Variants in RNF214 observed in about 807,000 individuals in gnomAD.
RNF214 encodes the protein ring finger protein 214.
RNF214 carries 25 observed loss-of-function variants against 75.9 expected under a neutral mutation model. That is an observed-to-expected ratio of 0.33 (90% CI 0.24 to 0.46). The LOEUF (loss-of-function observed/expected upper bound fraction) is 0.46. Among genes scored for constraint, RNF214 ranks in the 20% least tolerant of loss-of-function variants. The pLI is 1.00. For synonymous variants in RNF214, 314 were observed against 308.8 expected, an observed-to-expected ratio of 1.02 and a Z score of -0.18; for missense variants, 725 against 857.5, an observed-to-expected ratio of 0.85 and a Z score of 1.93.
rs186410136 is a variant in RNF214, at chr11:117,234,906, T to G, written c.107+527T>G. On this transcript the variant is annotated intron_variant, in intron 2 of 14. Coordinates refer to ENST00000300650, the MANE Select transcript of RNF214 (RefSeq NM_207343.4). The stretch of plus-strand genomic sequence containing the variant: ...AAAATCTATAAATGCTCAAGTCCCT[T>G]ACATAAAATGGTGTAGTATTTTATC... 2.0e-5 allele frequency among the ~76,000 whole-genome samples: 3 copies of G among 152,336 alleles called. 1 individual carries two copies. In the East Asian group the frequency reaches 5.8e-4, roughly 29 times the overall value.
chr11:117,283,825 T>G (rs951687242), intron 14 of RNF214, among the ~76,000 whole-genome samples: 1 of 151,840 alleles, frequency 6.6e-6, no homozygotes, highest in African/African-American at 2.4e-5. Flanking sequence ...GCTAATTTTT[T>G]TTTTCTTTTT....
At position 117,276,777 on chromosome 11, in the gene RNF214, A is replaced by G. The variant is rs145043432; in HGVS notation, c.960-3131A>G. Among the ~76,000 whole-genome samples, 542 of 152,330 alleles carry G rather than the reference A, an allele frequency of 3.6e-3. 3 individuals are homozygous for G. The highest frequency in any genetic ancestry group is 0.017 in the Middle Eastern group (5 of 294). On this transcript the variant is annotated intron_variant, in intron 6 of 14. Coordinates refer to ENST00000300650, the MANE Select transcript of RNF214 (RefSeq NM_207343.4). ...GAGGATTTTTCTAATATAAGTTTAT[A>G]TTTGTAGTTGACAATGTGTTTAATG...
intron 6 of RNF214, among the ~76,000 whole-genome samples, chr11:117,278,187 C>T (rs940250961): frequency 6.6e-6 from 1 of 151,788 alleles, no homozygotes; most frequent in Admixed American, 6.6e-5. Flanking sequence ...GCCTGTAGTA[C>T]CACCTACTCG....
At position 117,244,453 on chromosome 11, in the gene RNF214, G is replaced by T; in HGVS notation, c.687G>T (p.Met229Ile). 1 of 1,608,108 alleles carries T rather than the reference G, an allele frequency of 6.2e-7. No homozygotes were observed. The highest frequency in any genetic ancestry group is 8.5e-7 in the Non-Finnish European group (1 of 1,177,546). Residue 229 changes from methionine to isoleucine, a missense_variant, in exon 5 of 15, where the codon ATG (methionine) becomes ATT (isoleucine). By Grantham distance (10) the Met-to-Ile change is conservative. Coordinates refer to ENST00000300650, the MANE Select transcript of RNF214 (RefSeq NM_207343.4). The stretch of plus-strand genomic sequence containing the variant: ...TGTCTTGTTCATAATAGGATAAAAT[G>T]ATGACAGAGAGAACCCTGTTGAAAG... The part of the protein sequence containing the change: ...DQDIEKNLDK[M>I]MTERTLLKER...
chr11:117,241,217 T>C lies in RNF214; in HGVS notation c.678+1357T>C, dbSNP rs576582639. On this transcript the variant is annotated intron_variant, in intron 4 of 14. Transcript: ENST00000300650. ...AACAACAAAAAAACAAAAATTAGCC[T>C]GTAATCCCAGCTACTTGGGAGGTTG... Among the ~76,000 whole-genome samples, 396 of 151,702 alleles carry C rather than the reference T, an allele frequency of 2.6e-3. 3 individuals carry two copies. Among genetic ancestry groups the C allele is most frequent in the African/African-American group, 8.8e-3 (366 of 41,362 alleles).
intron 1 of RNF214, among the ~76,000 whole-genome samples, chr11:117,233,116 T>C (rs1188800580): frequency 6.6e-6 from 1 of 152,140 alleles, no homozygotes; most frequent in African/African-American, 2.4e-5. Context: ...GTTGCGGAGT[T>C]CTTTTTGGTA....
At chr11:117,280,362 T>C in intron 8 of RNF214, 103 bp downstream of exon 8, 1 of 786,928 alleles carries the variant, frequency 1.3e-6, no homozygotes, top group Non-Finnish European at 2.2e-6. Context: ...ACTTATTCTA[T>C]CTGCACAGGA....
chr11:117,235,246 G>C (rs892542423), intron 2 of RNF214, among the ~76,000 whole-genome samples: 2 of 152,068 alleles, frequency 1.3e-5, no homozygotes, highest in Admixed American at 1.3e-4. Flanking sequence ...GCCCAGGCTG[G>C]AGTGCAGTGG....
intron 4 of RNF214, among the ~76,000 whole-genome samples, chr11:117,240,473 A>G (rs1471041735): frequency 1.3e-5 from 2 of 151,266 alleles, no homozygotes; most frequent in Non-Finnish European, 2.9e-5. Context: ...GGATCACCTG[A>G]GGTTGAGAGT....
chr11:117,260,947 C>T (rs1418952317), intron 6 of RNF214, among the ~76,000 whole-genome samples: 1 of 150,212 alleles, frequency 6.7e-6, no homozygotes, highest in Non-Finnish European at 1.5e-5. Flanking sequence ...AGCCACCTCG[C>T]CCGGCCAAGA....
intron 14 of RNF214, among the ~76,000 whole-genome samples, chr11:117,284,111 A>G (rs1012423903): frequency 2.0e-5 from 3 of 152,192 alleles, no homozygotes; most frequent in Admixed American, 6.5e-5. Context: ...TTCTTGGAAA[A>G]TTGACAATGA....
At chr11:117,261,276 T>C (rs1435307437) in intron 6 of RNF214, among the ~76,000 whole-genome samples, 1 of 152,196 alleles carries the variant, frequency 6.6e-6, no homozygotes, top group East Asian at 1.9e-4. Context: ...CAAATGCTTT[T>C]TCTGCATATT....
At chr11:117,234,536 C>G (rs936399125) in intron 2 of RNF214, among the ~76,000 whole-genome samples, 157 bp downstream of exon 2, 3 of 152,186 alleles carry the variant, frequency 2.0e-5, no homozygotes, top group Admixed American at 6.5e-5. Flanking sequence ...TGGTATCCAA[C>G]ACAGCACCTG....
intron 6 of RNF214, among the ~76,000 whole-genome samples, chr11:117,259,558 T>C (rs902953212): frequency 2.0e-5 from 3 of 152,228 alleles, no homozygotes; most frequent in Non-Finnish European, 4.4e-5. Flanking sequence ...TTCTGGTTGC[T>C]TCACATCTTT....
chr11:117,273,765 G>T (rs374932298), intron 6 of RNF214, among the ~76,000 whole-genome samples: 9 of 152,134 alleles, frequency 5.9e-5, no homozygotes, highest in East Asian at 5.8e-4. Context: ...AATTGAGGTC[G>T]TTGATTGGTT....
At chr11:117,259,651 G>A (rs960161793) in intron 6 of RNF214, among the ~76,000 whole-genome samples, 2 of 152,078 alleles carry the variant, frequency 1.3e-5, no homozygotes, top group Non-Finnish European at 2.9e-5. Context: ...AATCATTGTG[G>A]TTTTAATATC....
chr11:117,252,324 A>AT (rs35924605), intron 6 of RNF214, among the ~76,000 whole-genome samples: 2 of 152,340 alleles, frequency 1.3e-5, no homozygotes, highest in Non-Finnish European at 2.9e-5. Flanking sequence ...AAGTGAACAC[A>AT]TTTGTAAGAC....
intron 6 of RNF214, among the ~76,000 whole-genome samples, chr11:117,266,177 T>A (rs1245066991): frequency 6.6e-6 from 1 of 152,214 alleles, no homozygotes; most frequent in Non-Finnish European, 1.5e-5. Context: ...TCTTTCCCTC[T>A]GTGTATTGTG....
chr11:117,281,484 C>G lies in RNF214; in HGVS notation c.1236+80C>G, dbSNP rs1017786134. The G allele has an allele frequency of 4.4e-5, 60 of 1,361,742 alleles. No individual in the cohort carries two copies. The Admixed American group carries it at 9.8e-4, about 22-fold the overall frequency. 84.4% of individuals were successfully genotyped at this position (1,361,742 alleles called of 1,614,324 possible). On this transcript the variant is annotated intron_variant, in intron 9 of 14. Transcript: ENST00000300650. Reference sequence around the variant, plus strand: ...CCAGCAATTGGGAGGTAGCCTTTTGCATTGCCATTTGGGGCCTATCCTACT... The same window carrying G: ...CCAGCAATTGGGAGGTAGCCTTTTGGATTGCCATTTGGGGCCTATCCTACT...
Sources: gnomAD v4.1 joint callset for allele counts (sites outside exome capture counted in the v4.1 genomes callset) on GRCh38, gnomAD v4.1.1 for gene constraint, MANE v1.5 for transcripts, NCBI Gene and HGNC (gene_info 2026-07-23, HGNC 2026-07-21) for gene names.